GET1: variants seen among roughly 807,000 people sequenced by gnomAD.
The protein encoded by GET1 is guided entry of tail-anchored proteins factor 1.
In GET1, 20 loss-of-function variants were observed where a neutral mutation model predicts 22.6. The ratio of observed to expected loss-of-function variants is 0.89; its 90% CI spans 0.62 to 1.29. The LOEUF (loss-of-function observed/expected upper bound fraction) is 1.29, where lower values mean the gene tolerates loss of function less well. Among genes scored for constraint, GET1 ranks in the 50% most tolerant of loss-of-function variants. The probability of loss-of-function intolerance (pLI) is 0.00; values close to 1 mark genes in which losing one functional copy is unlikely to be tolerated. For missense variants in GET1, 209 were observed against 219.9 expected (o/e 0.95, Z 0.31); for synonymous variants, 92 against 83.8 (o/e 1.10, Z -0.53).
chr21:39,388,404 A>C (rs752758004), intron 1 of GET1, among the ~76,000 whole-genome samples: 8 of 152,182 alleles, frequency 5.3e-5, no homozygotes, highest in Non-Finnish European at 1.0e-4. Flanking sequence ...AATGTCCTTA[A>C]CAGGGAAAGG....
downstream of GET1, among the ~76,000 whole-genome samples, chr21:39,409,781 A>G (rs746135785): frequency 1.3e-5 from 2 of 152,068 alleles, no homozygotes; most frequent in Non-Finnish European, 2.9e-5. This position sits in a 1 kb window ranked among gnomAD's most constrained non-coding sequence, Gnocchi z 4.2. Flanking sequence ...TTTAGTAGAG[A>G]TAGGGTTTCA....
chr21:39,416,050 A>G (rs770660215), intron 1 of GET1, among the ~76,000 whole-genome samples: 1 of 152,234 alleles, frequency 6.6e-6, no homozygotes, highest in Non-Finnish European at 1.5e-5. Flanking sequence ...GGAGTTTCCA[A>G]AATAGTGACA....
downstream of GET1, chr21:39,410,507 A>C: frequency 1.9e-6 from 1 of 540,438 alleles, no homozygotes; most frequent in Non-Finnish European, 3.2e-6. Flanking sequence ...ATATATAAGC[A>C]TTTGTTAGTT....
chr21:39,416,628 T>C (rs1246966566), intron 1 of GET1, among the ~76,000 whole-genome samples: 1 of 151,914 alleles, frequency 6.6e-6, no homozygotes, highest in Admixed American at 6.6e-5. Flanking sequence ...ATCAGGACTA[T>C]AGGATTTTTA....
chr21:39,380,515 C>CG, intron 1 of GET1, 29 bp downstream of exon 1: 2 of 1,594,176 alleles, frequency 1.3e-6, no homozygotes, highest in Non-Finnish European at 1.7e-6. Flanking sequence ...TCCCAAGGGC[C>CG]GGTGGGGATG....
chr21:39,418,850 G>A (rs750054634), intron 1 of GET1, among the ~76,000 whole-genome samples: 10 of 152,088 alleles, frequency 6.6e-5, no homozygotes, highest in Admixed American at 1.3e-4. Flanking sequence ...ATGTCTGCAT[G>A]AGGAAGCATA....
intron 1 of GET1, among the ~76,000 whole-genome samples, chr21:39,417,978 G>C (rs1034889524): frequency 6.6e-6 from 1 of 152,102 alleles, no homozygotes; most frequent in Non-Finnish European, 1.5e-5. Context: ...GTGTTTGCCA[G>C]GATTGTCTCC....
At position 39,380,483 on chromosome 21, in the gene GET1, C is replaced by A. The variant is rs1346387347; in HGVS notation, c.99C>A (p.Ser33=). The change falls in exon 1 of 5, where the codon TCC becomes TCA. Residue 33 remains serine, a synonymous_variant. Transcript: ENST00000649170. The part of the protein sequence containing the change: ...VLRILLPSFS[S]FMSRVLQKDA... Reference sequence around the variant, plus strand: ...GGATCCTCCTCCCGTCCTTCTCATCCTTCGTAAGTGGCTGCCTGGCCTCCC... The same window carrying A: ...GGATCCTCCTCCCGTCCTTCTCATCATTCGTAAGTGGCTGCCTGGCCTCCC... The A allele has an allele frequency of 6.2e-7, 1 of 1,611,204 alleles. No homozygotes were observed. Among genetic ancestry groups the A allele is most frequent in the East Asian group, 2.2e-5 (1 of 44,824 alleles).
chr21:39,426,860 C>G (rs1388609824), intron 1 of GET1, among the ~76,000 whole-genome samples: 1 of 152,148 alleles, frequency 6.6e-6, no homozygotes, highest in African/African-American at 2.4e-5. Flanking sequence ...GAGGTAGGAC[C>G]CCCAGCTCTC....
chr21:39,405,904 C>T (rs780349892), intron 4 of GET1: 1 of 1,583,342 alleles, frequency 6.3e-7, no homozygotes, highest in Non-Finnish European at 8.6e-7. Context: ...TTTTCTTTTT[C>T]CTTCTGTAGG....
At chr21:39,413,170 G>A (rs2040411403) in intron 1 of GET1, among the ~76,000 whole-genome samples, 1 of 152,170 alleles carries the variant, frequency 6.6e-6, no homozygotes, top group African/African-American at 2.4e-5. Context: ...CTAGTCACTC[G>A]TCAGGAGAAC....
chr21:39,426,511 G>T (rs2074738230), intron 1 of GET1, among the ~76,000 whole-genome samples: 1 of 152,156 alleles, frequency 6.6e-6, no homozygotes, highest in South Asian at 2.1e-4. Flanking sequence ...GGGTTTTAAA[G>T]GTGAGTGCAT....
intron 1 of GET1, chr21:39,422,965 G>T: frequency 6.2e-7 from 1 of 1,610,266 alleles, no homozygotes. Context: ...CTGGGCCCCT[G>T]AAATACAGAC....
chr21:39,392,080 C>A, intron 3 of GET1: 1 of 482,648 alleles, frequency 2.1e-6, no homozygotes, highest in South Asian at 2.6e-5. Context: ...AGTAAGTTCT[C>A]GGAGAGCTTT....
chr21:39,414,744 G>C (rs7275383), intron 1 of GET1, among the ~76,000 whole-genome samples: 9,567 of 104,894 alleles, frequency 0.091, 288 homozygotes, highest in East Asian at 0.14. Flanking sequence ...CTCTCTCTCT[G>C]TGTGTGTGTG....
chr21:39,391,895 C>A lies in GET1; in HGVS notation c.336+59C>A, dbSNP rs76454102. 1.2e-5 allele frequency: 19 copies of A among 1,557,312 alleles called. No homozygotes were observed. The African/African-American group carries it at 2.4e-4, about 20-fold the overall frequency. On this transcript the variant is annotated intron_variant, in intron 3 of 4. Transcript: ENST00000649170. ...AGTTGGTGACCCCGGCCTCCAGAGC[C>A]GTGTCTGCAGATCCAGGGCTGGGAG...
intron 1 of GET1, among the ~76,000 whole-genome samples, chr21:39,423,785 A>G (rs1483640584): frequency 1.3e-5 from 2 of 152,218 alleles, no homozygotes; most frequent in Non-Finnish European, 2.9e-5. Flanking sequence ...GAAGTGACAC[A>G]GAATGGATTG....
Position 39,391,769 on chromosome 21 carries a change from T to C in GET1, c.269T>C (p.Val90Ala), listed in dbSNP as rs775409076. ...TTATTTATCCTGTTTTTCCTTTCAG[T>C]GAAAGCTCGGACAGCTCAATTAGCC... ...NKMTDKLKTH[V>A]KARTAQLAKI... Residue 90 changes from valine to alanine, a missense_variant and splice_region_variant, in exon 3 of 5, where the codon GTG becomes GCG. Coordinates refer to ENST00000649170, the MANE Select transcript of GET1 (RefSeq NM_004627.6). 11 of 1,614,016 alleles carry C rather than the reference T, an allele frequency of 6.8e-6. No homozygotes were observed. Among genetic ancestry groups the C allele is most frequent in the Non-Finnish European group, 9.3e-6 (11 of 1,179,970 alleles).
intron 4 of GET1, among the ~76,000 whole-genome samples, chr21:39,403,432 T>C (rs1008710111): frequency 7.9e-5 from 12 of 151,868 alleles, no homozygotes; most frequent in African/African-American, 1.9e-4. Context: ...GTTCACGCCA[T>C]TCTCCCGCCT....
Sources: allele counts gnomAD v4.1 joint callset (sites outside exome capture counted in the v4.1 genomes callset), GRCh38; gene constraint gnomAD v4.1.1; non-coding constraint Gnocchi (gnomAD v3.1); transcripts MANE v1.5; gene names NCBI Gene and HGNC (gene_info 2026-07-23, HGNC 2026-07-21).